BLTP3A: variants seen among roughly 807,000 people sequenced by gnomAD.
BLTP3A encodes the protein ICBP90 binding protein 1.
the BLTP3A span, among the ~76,000 whole-genome samples, chr6:34,818,900 A>C: frequency 6.6e-6 from 1 of 152,250 alleles, no homozygotes; most frequent in African/African-American, 2.4e-5. Flanking sequence ...TCATGATTTT[A>C]TGGTCCAAGG....
the BLTP3A span, among the ~76,000 whole-genome samples, chr6:34,808,161 T>C: frequency 6.6e-6 from 1 of 151,830 alleles, no homozygotes. Context: ...CTGACCAACA[T>C]GGTGAAACTT....
At chr6:34,867,570 G>T in the BLTP3A span, 1 of 1,613,834 alleles carries the variant, frequency 6.2e-7, no homozygotes, top group Non-Finnish European at 8.5e-7. Flanking sequence ...CCCTCCAGCA[G>T]CTGGGCACCG....
chr6:34,863,503 C>T, the BLTP3A span, among the ~76,000 whole-genome samples: 66,317 of 151,896 alleles, frequency 0.44, 16,257 homozygotes, highest in African/African-American at 0.67. Context: ...TATTTCTTAC[C>T]ACAAAGCCAC....
At chr6:34,811,492 G>C in the BLTP3A span, among the ~76,000 whole-genome samples, 1 of 152,162 alleles carries the variant, frequency 6.6e-6, no homozygotes, top group Non-Finnish European at 1.5e-5. Context: ...TCAACACTTT[G>C]TGAGGCTGAA....
At chr6:34,807,245 TA>T in the BLTP3A span, among the ~76,000 whole-genome samples, 1 of 152,182 alleles carries the variant, frequency 6.6e-6, no homozygotes, top group Non-Finnish European at 1.5e-5. Context: ...TCATGAGGTA[TA>T]GTATCTTCAG....
At chr6:34,826,291 G>A in the BLTP3A span, among the ~76,000 whole-genome samples, 1 of 151,656 alleles carries the variant, frequency 6.6e-6, no homozygotes, top group African/African-American at 2.4e-5. Context: ...CAAAGTGCTG[G>A]GATTACAGGC....
At chr6:34,820,135 A>G in the BLTP3A span, among the ~76,000 whole-genome samples, 1 of 151,950 alleles carries the variant, frequency 6.6e-6, no homozygotes, top group African/African-American at 2.4e-5. Context: ...AACTTCATGT[A>G]GCTCCCTCTT....
At chr6:34,856,141 G>A in the BLTP3A span, 4 of 1,404,056 alleles carry the variant, frequency 2.8e-6, no homozygotes, top group Non-Finnish European at 3.9e-6. Flanking sequence ...TGTGGGTGAG[G>A]AATCAGATTC....
chr6:34,802,373 A>AT, the BLTP3A span, among the ~76,000 whole-genome samples: 27,213 of 139,460 alleles, frequency 0.2, 2,982 homozygotes, highest in African/African-American at 0.3. Context: ...AGCCCGGCTA[A>AT]TTTTTTTTTT....
the BLTP3A span, chr6:34,836,332 C>T: frequency 3.7e-6 from 6 of 1,613,984 alleles, no homozygotes; most frequent in Middle Eastern, 1.7e-4. Flanking sequence ...GTGATGATAG[C>T]CAGTCCCGAG....
chr6:34,852,318 C>G, the BLTP3A span, among the ~76,000 whole-genome samples: 43 of 152,196 alleles, frequency 2.8e-4, no homozygotes, highest in East Asian at 7.6e-3. Context: ...ATTCAAGGCC[C>G]AAGGGCCCTT....
the BLTP3A span, among the ~76,000 whole-genome samples, chr6:34,833,946 A>G: frequency 6.6e-6 from 1 of 150,752 alleles, no homozygotes; most frequent in African/African-American, 2.4e-5. Context: ...AAAAAAAAAA[A>G]ATTACTGCAG....
chr6:34,829,974 T>A, the BLTP3A span, among the ~76,000 whole-genome samples: 1 of 151,786 alleles, frequency 6.6e-6, no homozygotes, highest in Non-Finnish European at 1.5e-5. Context: ...CTCACTGATT[T>A]TTTTGTGTGT....
At chr6:34,810,556 C>T in the BLTP3A span, among the ~76,000 whole-genome samples, 1,282 of 152,300 alleles carry the variant, frequency 8.4e-3, 19 homozygotes, top group African/African-American at 0.027. Context: ...GATCATCGCT[C>T]ATTGCAACCT....
the BLTP3A span, chr6:34,859,235 T>C: frequency 1.2e-6 from 2 of 1,614,098 alleles, no homozygotes; most frequent in Non-Finnish European, 1.7e-6. Flanking sequence ...TCAGGTCCAC[T>C]TGCCCAGCAG....
chr6:34,867,183 A>G, the BLTP3A span: 4 of 1,565,846 alleles, frequency 2.6e-6, no homozygotes, highest in Admixed American at 7.6e-5. Flanking sequence ...TTTGAACAGA[A>G]TATTTTGACT....
At chr6:34,793,355 C>G in the BLTP3A span, among the ~76,000 whole-genome samples, 1 of 152,174 alleles carries the variant, frequency 6.6e-6, no homozygotes, top group African/African-American at 2.4e-5. Context: ...TGACCCAGGG[C>G]TTGGCTGCAC....
the BLTP3A span, among the ~76,000 whole-genome samples, chr6:34,844,538 G>A: frequency 0.011 from 1,723 of 152,280 alleles, 11 homozygotes; most frequent in Non-Finnish European, 0.016. Flanking sequence ...GCTTCCTAAA[G>A]TGCTAGGATT....
At chr6:34,853,721 C>G in the BLTP3A span, among the ~76,000 whole-genome samples, 1 of 152,026 alleles carries the variant, frequency 6.6e-6, no homozygotes, top group Admixed American at 6.6e-5. Flanking sequence ...CCACCACATC[C>G]AGCTAATTTT....
Sources: gnomAD v4.1 joint callset for allele counts (sites outside exome capture counted in the v4.1 genomes callset) on GRCh38, gnomAD v4.1.1 for gene constraint, MANE v1.5 for transcripts, NCBI Gene and HGNC (gene_info 2026-07-23, HGNC 2026-07-21) for gene names.